GRIK3: variants seen among roughly 807,000 people sequenced by gnomAD.
The protein encoded by GRIK3 is glutamate ionotropic receptor kainate type subunit 3.
A neutral mutation model predicts 102.5 loss-of-function variants in GRIK3; 29 were observed. The ratio of observed to expected loss-of-function variants is 0.28; its 90% CI spans 0.21 to 0.39. The LOEUF is 0.39. GRIK3 is among the 10% of genes least tolerant of loss of function. The probability of loss-of-function intolerance (pLI) is 1.00; values close to 1 mark genes in which losing one functional copy is unlikely to be tolerated. For synonymous variants in GRIK3, 511 were observed against 504.9 expected, an observed-to-expected ratio of 1.01 and a Z score of -0.16; for missense variants, 908 against 1,252.4, an observed-to-expected ratio of 0.73 and a Z score of 4.15.
intron 1 of GRIK3, among the ~76,000 whole-genome samples, chr1:36,957,834 T>C (rs72670029): frequency 0.44 from 36,632 of 83,218 alleles, 9,173 homozygotes; most frequent in African/African-American, 0.6. Flanking sequence ...AGCCTGTGTG[T>C]CCCATGACTC....
chr1:36,903,747 T>C (rs1641255856), intron 1 of GRIK3, among the ~76,000 whole-genome samples: 1 of 152,216 alleles, frequency 6.6e-6, no homozygotes, highest in Non-Finnish European at 1.5e-5. Flanking sequence ...TTTCAACTAC[T>C]GACATTCTGG....
intron 13 of GRIK3, among the ~76,000 whole-genome samples, chr1:36,807,027 TG>T (rs907908526): frequency 5.3e-5 from 8 of 152,102 alleles, no homozygotes; most frequent in African/African-American, 1.9e-4. Flanking sequence ...ACTTCATTAC[TG>T]TGAGGAAGGA....
Position 36,801,925 on chromosome 1 carries a change from T to C in GRIK3, c.2686A>G (p.Thr896Ala), listed in dbSNP as rs112361969. ...VKTDAVINMH[T>A]FNDRRLPGKD... is the part of the protein sequence containing the mutation. ...CCGGGAAGCCGGCGGTCATTGAATG[T>C]GTGCATGTTGATGACGGCGTCAGTC... The change falls in exon 16 of 16, where the codon ACA (threonine) becomes GCA (alanine). Residue 896 changes from threonine (T) to alanine (A), a missense_variant. Coordinates refer to ENST00000373091, the MANE Select transcript of GRIK3 (RefSeq NM_000831.4). 1 of 1,614,062 alleles carries C rather than the reference T, an allele frequency of 6.2e-7. No homozygotes were observed. The highest frequency in any genetic ancestry group is 8.5e-7 in the Non-Finnish European group (1 of 1,179,986).
intron 1 of GRIK3, among the ~76,000 whole-genome samples, chr1:37,003,724 C>T (rs980461403): frequency 6.6e-6 from 1 of 152,204 alleles, no homozygotes; most frequent in African/African-American, 2.4e-5. Flanking sequence ...GTCCCCAAGA[C>T]AGCCCCTTGG....
chr1:36,924,106 G>A (rs1220400915), intron 1 of GRIK3, among the ~76,000 whole-genome samples: 2 of 152,208 alleles, frequency 1.3e-5, no homozygotes, highest in Non-Finnish European at 2.9e-5. Flanking sequence ...AAGGGGCAGG[G>A]AGGGCACTGC....
chr1:36,850,519 T>G lies in GRIK3; in HGVS notation c.1213-95A>C. The G allele has an allele frequency of 2.7e-6, 2 of 728,744 alleles. No homozygotes were observed. The highest frequency in any genetic ancestry group is 3.0e-5 in the South Asian group (2 of 65,656). The allele number at this position is 728,744 out of a possible 1,614,324, so 45.1% of individuals were successfully genotyped here. A position where few individuals can be genotyped will look rare whatever the true frequency, so the allele number is the denominator to read the frequency against. On this transcript the variant is annotated intron_variant, in intron 8 of 15. Coordinates refer to ENST00000373091, the MANE Select transcript of GRIK3 (RefSeq NM_000831.4). The surrounding 1 kb of genome is among the most constrained non-coding windows in gnomAD (Gnocchi z 4.0). Reference sequence around the variant, plus strand: ...ACCTTCATCTCATTCCCATTCATCATGAGCCTCATTGTCATGATCATCATC... The same window carrying G: ...ACCTTCATCTCATTCCCATTCATCAGGAGCCTCATTGTCATGATCATCATC...
At chr1:36,826,087 A>G (rs1169180817) in intron 10 of GRIK3, among the ~76,000 whole-genome samples, 1 of 152,250 alleles carries the variant, frequency 6.6e-6, no homozygotes, top group Non-Finnish European at 1.5e-5. Context: ...ATAAACATGC[A>G]GAGAATGGAA....
At chr1:36,873,276 C>CA (rs1437929020) in intron 3 of GRIK3, among the ~76,000 whole-genome samples, 2 of 152,174 alleles carry the variant, frequency 1.3e-5, no homozygotes, top group African/African-American at 4.8e-5. Flanking sequence ...TTTTTCCTCC[C>CA]ACACTGAAAA....
intron 13 of GRIK3, among the ~76,000 whole-genome samples, chr1:36,807,161 GC>G (rs1642510678): frequency 6.6e-6 from 1 of 152,126 alleles, no homozygotes; most frequent in South Asian, 2.1e-4. Flanking sequence ...TGTTGCTTGA[GC>G]AGAATCAGAA....
chr1:37,027,859 C>T (rs150050216), intron 1 of GRIK3, among the ~76,000 whole-genome samples: 28 of 152,284 alleles, frequency 1.8e-4, no homozygotes, highest in African/African-American at 6.7e-4. Flanking sequence ...AGGAATACTG[C>T]AGACAGAGAA....
Position 36,819,905 on chromosome 1 carries a change from G to A in GRIK3, c.1755-51C>T, listed in dbSNP as rs1171952377. 6.7e-6 allele frequency: 6 copies of A among 897,356 alleles called. No homozygotes were observed. Among genetic ancestry groups the A allele is most frequent in the Non-Finnish European group, 9.1e-6 (5 of 546,766 alleles). The allele number at this position is 897,356 out of a possible 1,614,324, so 55.6% of individuals were successfully genotyped here. On this transcript the variant is annotated intron_variant, in intron 11 of 15. Coordinates refer to ENST00000373091, the MANE Select transcript of GRIK3 (RefSeq NM_000831.4). This position sits in a 1 kb window ranked among gnomAD's most constrained non-coding sequence, Gnocchi z 4.1. ...AGCCTGGGAAGCAAGGGGCATCCAC[G>A]CCCCAGCAGGCAGTGGTTTAGCAAA...
intron 1 of GRIK3, among the ~76,000 whole-genome samples, chr1:36,926,301 T>C (rs573242144): frequency 1.2e-4 from 19 of 152,148 alleles, no homozygotes; most frequent in African/African-American, 3.4e-4. Flanking sequence ...GGAGGTGAAG[T>C]CCAAGGCTTC....
intron 1 of GRIK3, among the ~76,000 whole-genome samples, chr1:37,001,221 C>T (rs1642472538): frequency 6.6e-6 from 1 of 152,226 alleles, no homozygotes; most frequent in Non-Finnish European, 1.5e-5. Flanking sequence ...GGCTTCTTTT[C>T]ATTGTCACAA....
chr1:36,951,018 C>T lies in GRIK3; in HGVS notation c.116-59922G>A, dbSNP rs547656220. On this transcript the variant is annotated intron_variant, in intron 1 of 15. Coordinates refer to ENST00000373091, the MANE Select transcript of GRIK3 (RefSeq NM_000831.4). ...GCAGAGTTAGGGTGGAACAAATGTG[C>T]TCAGACCCAAAGGGAAATTTTCCCA... Among the ~76,000 whole-genome samples, 5 of 152,332 alleles carry T rather than the reference C, an allele frequency of 3.3e-5. 1 individual carries two copies. Among genetic ancestry groups the T allele is most frequent in the East Asian group, 1.9e-4 (1 of 5,184 alleles).
At chr1:36,887,839 A>G (rs1445407913) in intron 2 of GRIK3, among the ~76,000 whole-genome samples, 1 of 151,548 alleles carries the variant, frequency 6.6e-6, no homozygotes, top group African/African-American at 2.4e-5. Flanking sequence ...GATTCACTAT[A>G]TATATATAAT....
intron 11 of GRIK3, among the ~76,000 whole-genome samples, chr1:36,821,660 C>T (rs533459901): frequency 1.1e-4 from 17 of 152,180 alleles, no homozygotes; most frequent in African/African-American, 2.4e-4. Flanking sequence ...CAGCCCAGGC[C>T]GACTTTGACT....
chr1:36,997,214 T>G (rs1235904536), intron 1 of GRIK3, among the ~76,000 whole-genome samples: 1 of 152,090 alleles, frequency 6.6e-6, no homozygotes, highest in Admixed American at 6.5e-5. Context: ...CGGCAGGCCC[T>G]GGAAGCAGGA....
intron 1 of GRIK3, among the ~76,000 whole-genome samples, chr1:36,989,896 C>T (rs1220014842): frequency 6.6e-6 from 1 of 152,200 alleles, no homozygotes; most frequent in Non-Finnish European, 1.5e-5. Flanking sequence ...CCATGCTAAG[C>T]CCCTCCCAGA....
intron 10 of GRIK3, among the ~76,000 whole-genome samples, chr1:36,827,402 G>A (rs1355798045): frequency 1.3e-5 from 2 of 151,748 alleles, no homozygotes; most frequent in East Asian, 1.9e-4. Flanking sequence ...GGAGGCTGGG[G>A]CCTAACAACA....
Sources: gnomAD v4.1 joint callset for allele counts (sites outside exome capture counted in the v4.1 genomes callset) on GRCh38, gnomAD v4.1.1 for gene constraint, Gnocchi (gnomAD v3.1) non-coding constraint, MANE v1.5 for transcripts, NCBI Gene and HGNC (gene_info 2026-07-23, HGNC 2026-07-21) for gene names.